Variants in CNOT7 observed in about 807,000 individuals in gnomAD.
CNOT7 encodes the protein BTG1-binding factor 1.
In CNOT7, 4 loss-of-function variants were observed where a neutral mutation model predicts 37.1. That is an observed-to-expected ratio of 0.11 (90% CI 0.05 to 0.25). The LOEUF is 0.25. CNOT7 is among the 10% of genes least tolerant of loss of function. The pLI, the probability that CNOT7 is intolerant of heterozygous loss-of-function variation, is 1.00. For synonymous variants in CNOT7, 128 were observed against 115.6 expected, an observed-to-expected ratio of 1.11 and a Z score of -0.69; for missense variants, 170 against 336.2, an observed-to-expected ratio of 0.51 and a Z score of 3.87.
In CNOT7 at chr8:17,231,445, G is replaced by A. The variant is rs188622927; in HGVS notation, c.730-597C>T. The A allele has an allele frequency of 6.4e-6, 5 of 781,658 alleles. No individual in the cohort carries two copies. The East Asian group carries it at 5.1e-4, about 80-fold the overall frequency. The allele number at this position is 781,658 out of a possible 1,614,324, so 48.4% of individuals were successfully genotyped here. On this transcript the variant is annotated intron_variant, in intron 6 of 6. Transcript: ENST00000361272. Reference sequence around the variant, plus strand: ...CAATTATCTAATGAAACAATTGGAAGGAGTCCAAAACAAAATATTTACGTG... The same window carrying A: ...CAATTATCTAATGAAACAATTGGAAAGAGTCCAAAACAAAATATTTACGTG...
chr8:17,232,376 A>G, intron 6 of CNOT7, 51 bp downstream of exon 6: 1 of 1,611,310 alleles, frequency 6.2e-7, no homozygotes, highest in Non-Finnish European at 8.5e-7. Flanking sequence ...AAGATTTTTA[A>G]TGTTCTCAAC....
At chr8:17,245,969 G>C (rs1365154236) in intron 1 of CNOT7, 1 of 149,196 alleles carries the variant, frequency 6.7e-6, no homozygotes, top group Non-Finnish European at 1.5e-5. Context: ...AAAAAAACAA[G>C]AGTAAAAAGA....
intron 3 of CNOT7, chr8:17,242,496 T>C (rs542416877): frequency 6.5e-6 from 1 of 152,712 alleles, no homozygotes; most frequent in African/African-American, 2.4e-5. Flanking sequence ...TATATGTAAA[T>C]TAAGAGAGCT....
In CNOT7 at chr8:17,227,990, C is replaced by T. The variant is rs1319162498; in HGVS notation, c.*2730G>A. ...AGACACACATACACAGGTTCTGTAG[C>T]AGCTACTCAACTTTCCCATTATAGC... On this transcript the variant is annotated 3_prime_UTR_variant, in exon 7 of 7. Transcript: ENST00000361272. The T allele has an allele frequency of 6.6e-6, 1 of 151,922 alleles. No individual in the cohort carries two copies. Among genetic ancestry groups the T allele is most frequent in the South Asian group, 2.1e-4 (1 of 4,828 alleles). 9.4% of individuals were successfully genotyped at this position (151,922 alleles called of 1,614,324 possible).
chr8:17,235,998 C>T (rs1809304290), intron 4 of CNOT7, among the ~76,000 whole-genome samples: 1 of 152,014 alleles, frequency 6.6e-6, no homozygotes, highest in Non-Finnish European at 1.5e-5. Flanking sequence ...GCAATACTTT[C>T]CAGTTCTTTT....
chr8:17,242,129 G>T (rs1810255187), intron 3 of CNOT7: 1 of 152,158 alleles, frequency 6.6e-6, no homozygotes. Context: ...GAGGAAATCA[G>T]AGGACCCGGG....
At chr8:17,235,604 T>C (rs1354681457) in intron 4 of CNOT7, among the ~76,000 whole-genome samples, 1 of 152,196 alleles carries the variant, frequency 6.6e-6, no homozygotes, top group Non-Finnish European at 1.5e-5. Flanking sequence ...CAGCTTTCTG[T>C]CTCCCTACAC....
intron 2 of CNOT7, among the ~76,000 whole-genome samples, chr8:17,244,028 G>T (rs919196665): frequency 9.9e-5 from 15 of 152,088 alleles, no homozygotes; most frequent in Admixed American, 9.2e-4. Context: ...AAGTCACTAT[G>T]AAATAGTAAA....
chr8:17,232,309 G>A, intron 6 of CNOT7, 118 bp downstream of exon 6: 1 of 1,562,470 alleles, frequency 6.4e-7, no homozygotes, highest in Non-Finnish European at 8.6e-7. Flanking sequence ...GACTCATATG[G>A]TATCTCTAAT....
chr8:17,235,167 GA>G (rs1414671860), intron 4 of CNOT7, among the ~76,000 whole-genome samples: 1 of 152,140 alleles, frequency 6.6e-6, no homozygotes, highest in Non-Finnish European at 1.5e-5. Context: ...ACACCAAGAA[GA>G]GTATCAAGCT....
intron 4 of CNOT7, among the ~76,000 whole-genome samples, chr8:17,235,128 A>T (rs1237830509): frequency 2.0e-5 from 3 of 152,200 alleles, no homozygotes; most frequent in African/African-American, 7.2e-5. Flanking sequence ...GGTCAATAAA[A>T]TACTATTTTG....
At chr8:17,231,802 T>TA in intron 6 of CNOT7, 5 of 985,890 alleles carry the variant, frequency 5.1e-6, no homozygotes, top group Non-Finnish European at 4.8e-6. Flanking sequence ...CTCAAGGAAC[T>TA]GATCTCTGCC....
chr8:17,234,491 A>T (rs1809071055), intron 5 of CNOT7: 3 of 494,332 alleles, frequency 6.1e-6, no homozygotes, highest in Middle Eastern at 3.8e-4. Flanking sequence ...TAAGCCTGAA[A>T]TGTGTTGAAA....
At chr8:17,242,914 C>A in intron 3 of CNOT7, 78 bp downstream of exon 3, 2 of 937,382 alleles carry the variant, frequency 2.1e-6, no homozygotes, top group Non-Finnish European at 1.6e-6. Context: ...AGCATGTCAC[C>A]ATACTTGAGG....
chr8:17,236,762 A>C (rs941240295), intron 4 of CNOT7, among the ~76,000 whole-genome samples: 1 of 152,202 alleles, frequency 6.6e-6, no homozygotes, highest in African/African-American at 2.4e-5. Context: ...TGAGGAAAAT[A>C]ATTTTCATCT....
At position 17,229,530 on chromosome 8, in the gene CNOT7, C is replaced by T. The variant is rs1808377252; in HGVS notation, c.*1190G>A. 6.6e-6 allele frequency: 1 copy of T among 151,922 alleles called. No individual in the cohort carries two copies. 9.4% of individuals were successfully genotyped at this position (151,922 alleles called of 1,614,324 possible). On this transcript the variant is annotated 3_prime_UTR_variant, in exon 7 of 7. Transcript: ENST00000361272. ...TGGTCTGGTCACATATTCTGCATGGCTAAGTATTTCACAGTCTCTTTTGTC... is the reference window on the plus strand; with the variant it reads ...TGGTCTGGTCACATATTCTGCATGGTTAAGTATTTCACAGTCTCTTTTGTC...
chr8:17,243,656 T>A (rs1317707765), intron 2 of CNOT7: 1 of 456,472 alleles, frequency 2.2e-6, no homozygotes, highest in Non-Finnish European at 4.4e-6. Context: ...CTAATTTCTC[T>A]GGCTTAAACA....
intron 4 of CNOT7, among the ~76,000 whole-genome samples, chr8:17,235,741 TC>T (rs1394884865): frequency 1.3e-5 from 2 of 152,206 alleles, no homozygotes; most frequent in African/African-American, 4.8e-5. Context: ...TTTATAAACT[TC>T]TTAAACTATT....
chr8:17,231,164 G>T (rs1808551785), intron 6 of CNOT7, among the ~76,000 whole-genome samples: 1 of 152,046 alleles, frequency 6.6e-6, no homozygotes, highest in Non-Finnish European at 1.5e-5. Flanking sequence ...ACTCAAGAAT[G>T]AAGAAAGCCA....
Sources: gnomAD v4.1 joint callset for allele counts (sites outside exome capture counted in the v4.1 genomes callset) on GRCh38, gnomAD v4.1.1 for gene constraint, MANE v1.5 for transcripts, NCBI Gene and HGNC (gene_info 2026-07-23, HGNC 2026-07-21) for gene names.